The following FRMD4A variants were observed in gnomAD, a reference collection of about 807,000 sequenced individuals.
FRMD4A encodes the protein FERM domain containing 4A.
In FRMD4A, 29 loss-of-function variants were observed where a neutral mutation model predicts 129.1. The observed-to-expected ratio is 0.22, with a 90% confidence interval of 0.17 to 0.31. The LOEUF (loss-of-function observed/expected upper bound fraction) is 0.31, where lower values mean the gene tolerates loss of function less well. Ranked by LOEUF, FRMD4A falls within the 10% of genes least tolerant of loss-of-function variation. The pLI, the probability that FRMD4A is intolerant of heterozygous loss-of-function variation, is 1.00. For synonymous variants in FRMD4A, 634 were observed against 571.6 expected, an observed-to-expected ratio of 1.11 and a Z score of -1.56; for missense variants, 1,272 against 1,375.8, an observed-to-expected ratio of 0.92 and a Z score of 1.19.
At chr10:13,959,471 T>TAAAAAAA (rs56192445) in intron 2 of FRMD4A, among the ~76,000 whole-genome samples, 2 of 53,110 alleles carry the variant, frequency 3.8e-5, no homozygotes, top group African/African-American at 7.7e-5. Context: ...GACTGTTTCA[T>TAAAAAAA]AAAAAAAAAA....
At chr10:14,100,100 C>T (rs1481419531) in intron 2 of FRMD4A, among the ~76,000 whole-genome samples, 1 of 152,236 alleles carries the variant, frequency 6.6e-6, no homozygotes, top group East Asian at 1.9e-4. Context: ...GTCAGCTCAG[C>T]AAACCCAGTT....
intron 2 of FRMD4A, among the ~76,000 whole-genome samples, chr10:14,071,233 A>C (rs939201915): frequency 2.6e-5 from 4 of 152,234 alleles, no homozygotes; most frequent in African/African-American, 9.6e-5. Context: ...GTCCCCTCTG[A>C]AACTACATGC....
chr10:13,766,372 A>C (rs941352447), intron 6 of FRMD4A, among the ~76,000 whole-genome samples: 1 of 152,208 alleles, frequency 6.6e-6, no homozygotes, highest in Non-Finnish European at 1.5e-5. Context: ...TCTATCTCCC[A>C]GTGAAGATAT....
At chr10:13,930,873 C>T (rs1472773101) in intron 2 of FRMD4A, among the ~76,000 whole-genome samples, 1 of 151,914 alleles carries the variant, frequency 6.6e-6, no homozygotes, top group African/African-American at 2.4e-5. Context: ...TGCTCTGTTG[C>T]CCAGTTTGGA....
chr10:14,060,549 A>G (rs1834760281), intron 2 of FRMD4A, among the ~76,000 whole-genome samples: 1 of 152,222 alleles, frequency 6.6e-6, no homozygotes, highest in African/African-American at 2.4e-5. Flanking sequence ...AGGCATTTTC[A>G]TGTTCAAAGA....
intron 2 of FRMD4A, among the ~76,000 whole-genome samples, chr10:14,324,965 T>C (rs540611129): frequency 6.6e-6 from 1 of 152,300 alleles, no homozygotes; most frequent in African/African-American, 2.4e-5. Context: ...CTGGCCTGTA[T>C]CTAAATTTTA....
chr10:13,989,881 T>G (rs2095597365), intron 2 of FRMD4A, among the ~76,000 whole-genome samples: 1 of 152,254 alleles, frequency 6.6e-6, no homozygotes, highest in South Asian at 2.1e-4. Context: ...TTTATTGAAA[T>G]TTGATGTAAC....
At chr10:13,764,170 C>T (rs2092186308) in intron 6 of FRMD4A, among the ~76,000 whole-genome samples, 2 of 148,748 alleles carry the variant, frequency 1.3e-5, no homozygotes, top group African/African-American at 5.0e-5. Context: ...ATATCGATCA[C>T]ATCCAAAGAT....
intron 2 of FRMD4A, among the ~76,000 whole-genome samples, chr10:14,131,956 A>ATGCC (rs1360909022): frequency 1.3e-5 from 2 of 152,188 alleles, no homozygotes; most frequent in African/African-American, 4.8e-5. Context: ...GTCTACAGTC[A>ATGCC]TGCCGGCAAT....
intron 3 of FRMD4A, among the ~76,000 whole-genome samples, chr10:13,836,157 C>A (rs184013854): frequency 2.6e-5 from 4 of 152,316 alleles, no homozygotes; most frequent in African/African-American, 9.6e-5. Flanking sequence ...GCTACCACAC[C>A]TGGCTAATTT....
At chr10:14,175,435 C>T (rs1433551795) in intron 2 of FRMD4A, among the ~76,000 whole-genome samples, 1 of 151,958 alleles carries the variant, frequency 6.6e-6, no homozygotes, top group Non-Finnish European at 1.5e-5. Flanking sequence ...TCCTCCCGTT[C>T]ACACATCAGC....
chr10:13,919,166 GA>G (rs980920365), intron 2 of FRMD4A, among the ~76,000 whole-genome samples: 4 of 151,078 alleles, frequency 2.6e-5, no homozygotes, highest in Middle Eastern at 3.4e-3. Context: ...TGATGTGTAG[GA>G]AAAAAAAAGT....
chr10:13,764,036 A>G (rs1286091425), intron 6 of FRMD4A, among the ~76,000 whole-genome samples: 2 of 152,188 alleles, frequency 1.3e-5, no homozygotes, highest in Non-Finnish European at 2.9e-5. Flanking sequence ...CACCCGGCCA[A>G]AACAGCTTTA....
At chr10:14,215,857 T>G (rs1210227458) in intron 2 of FRMD4A, among the ~76,000 whole-genome samples, 1 of 152,024 alleles carries the variant, frequency 6.6e-6, no homozygotes, top group Non-Finnish European at 1.5e-5. Flanking sequence ...GTCATGGGAG[T>G]CTCAGTTGCT....
chr10:14,162,820 A>G (rs1840978929), intron 2 of FRMD4A, among the ~76,000 whole-genome samples: 1 of 152,098 alleles, frequency 6.6e-6, no homozygotes. Context: ...AAATCCACCC[A>G]GGATGACGTG....
intron 12 of FRMD4A, among the ~76,000 whole-genome samples, chr10:13,715,173 G>GC (rs1209086618): frequency 6.6e-6 from 1 of 152,122 alleles, no homozygotes; most frequent in Non-Finnish European, 1.5e-5. Context: ...ATTTTTAGGA[G>GC]CAAGAACCCT....
chr10:13,978,768 A>G (rs2095550795), intron 2 of FRMD4A, among the ~76,000 whole-genome samples: 1 of 152,188 alleles, frequency 6.6e-6, no homozygotes, highest in African/African-American at 2.4e-5. Flanking sequence ...TGGGGACTGG[A>G]GAATAACCTT....
At chr10:14,251,380 C>A (rs764270053) in intron 2 of FRMD4A, among the ~76,000 whole-genome samples, 4 of 152,234 alleles carry the variant, frequency 2.6e-5, no homozygotes, top group African/African-American at 7.2e-5. Flanking sequence ...TAGTGCTGAA[C>A]GTAGGCCTAC....
chr10:14,295,950 A>C (rs79616230), intron 2 of FRMD4A, among the ~76,000 whole-genome samples: 1 of 152,166 alleles, frequency 6.6e-6, no homozygotes, highest in Non-Finnish European at 1.5e-5. Flanking sequence ...AAATGCCATG[A>C]CATGTTATGA....
Sources: allele counts gnomAD v4.1 joint callset (sites outside exome capture counted in the v4.1 genomes callset), GRCh38; gene constraint gnomAD v4.1.1; transcripts MANE v1.5; gene names NCBI Gene and HGNC (gene_info 2026-07-23, HGNC 2026-07-21).